Variants in CABLES1 observed in about 807,000 individuals in gnomAD.
The protein encoded by CABLES1 is CDK5 and ABL1 enzyme substrate 1.
CABLES1 carries 36 observed loss-of-function variants against 57.8 expected under a neutral mutation model. The ratio of observed to expected loss-of-function variants is 0.62; its 90% confidence interval spans 0.48 to 0.82. The LOEUF is 0.82. Among genes scored for constraint, CABLES1 ranks in the 40% least tolerant of loss-of-function variants. CABLES1 has a pLI of 0.00. For missense variants in CABLES1, 767 were observed against 836.6 expected, an observed-to-expected ratio of 0.92 and a Z score of 1.03; for synonymous variants, 374 against 363.0, an observed-to-expected ratio of 1.03 and a Z score of -0.35.
Position 23,236,004 on chromosome 18 carries a change from G to A in CABLES1, c.1295G>A (p.Ser432Asn). Residue 432 changes from serine (S) to asparagine (N), a missense_variant, in exon 6 of 10, where the codon AGC (serine) becomes AAC (asparagine). Ser to Asn is a conservative substitution (Grantham distance 46). Around this residue, in one of 4 missense-constraint regions of CABLES1, gnomAD observed 529 missense variants for 622.8 expected, o/e 0.85. Coordinates refer to ENST00000256925, the MANE Select transcript of CABLES1 (RefSeq NM_001100619.3). ...FSQFRNLSHR[S>N]LSIGRASGTQ... The stretch of plus-strand genomic sequence containing the variant: ...CAGTTCCGTAACCTGAGCCACCGCA[G>A]CCTCTCCATAGGCCGGGCAAGCGGC... 2 of 1,614,228 alleles carry A rather than the reference G, an allele frequency of 1.2e-6. No homozygotes were observed. Among genetic ancestry groups the A allele is most frequent in the Non-Finnish European group, 1.7e-6 (2 of 1,180,052 alleles).
intron 1 of CABLES1, among the ~76,000 whole-genome samples, chr18:23,140,662 T>A (rs529213526): frequency 1.6e-4 from 25 of 152,288 alleles, no homozygotes; most frequent in African/African-American, 5.5e-4. Context: ...GGTCTCGAAC[T>A]CCTGACCTCA....
intron 3 of CABLES1, among the ~76,000 whole-genome samples, chr18:23,206,977 AT>A (rs1185509267): frequency 6.6e-6 from 1 of 151,672 alleles, no homozygotes; most frequent in African/African-American, 2.4e-5. Flanking sequence ...CACCCAGCTG[AT>A]TTTTTTTCTT....
chr18:23,162,781 A>T (rs1179372959), intron 1 of CABLES1, among the ~76,000 whole-genome samples: 1 of 152,188 alleles, frequency 6.6e-6, no homozygotes, highest in Non-Finnish European at 1.5e-5. Flanking sequence ...TTCCAAGGCC[A>T]TGTGGTGTAA....
intron 1 of CABLES1, among the ~76,000 whole-genome samples, chr18:23,174,839 T>TATATATATATATATATATATATATAC (rs2047111375): frequency 3.6e-5 from 5 of 139,362 alleles, no homozygotes; most frequent in African/African-American, 1.4e-4. Flanking sequence ...TATATATATA[T>TATATATATATATATATATATATATAC]ATATATATAT....
Position 23,248,043 on chromosome 18 carries a change from T to G in CABLES1, c.1447-4917T>G, listed in dbSNP as rs552610501. ...CCCCAAGAGCTAGGACAAGGCTGCT[T>G]GTAAAAAAGACAGAGCCTCTCCCGC... On this transcript the variant is annotated intron_variant, in intron 7 of 9. Transcript: ENST00000256925. Among the ~76,000 whole-genome samples, 31 of 152,300 alleles carry G rather than the reference T, an allele frequency of 2.0e-4. No homozygotes were observed. The South Asian group carries it at 6.2e-3, about 31-fold the overall frequency.
intron 9 of CABLES1, among the ~76,000 whole-genome samples, chr18:23,256,533 T>G (rs1332906463): frequency 6.6e-6 from 1 of 152,144 alleles, no homozygotes; most frequent in Non-Finnish European, 1.5e-5. Context: ...CAGGCTGGAG[T>G]TCGGTGGCAC....
At chr18:23,221,010 C>T (rs1274884879) in intron 4 of CABLES1, among the ~76,000 whole-genome samples, 1 of 152,138 alleles carries the variant, frequency 6.6e-6, no homozygotes, top group Non-Finnish European at 1.5e-5. Context: ...GCTGCCAGCT[C>T]GAGTCTCCCT....
intron 7 of CABLES1, among the ~76,000 whole-genome samples, chr18:23,241,123 T>C (rs1045857842): frequency 6.6e-6 from 1 of 152,218 alleles, no homozygotes; most frequent in East Asian, 1.9e-4. Flanking sequence ...TGAAACTTCA[T>C]GTGAATAGGA....
chr18:23,216,748 C>A (rs2047445107), intron 4 of CABLES1, among the ~76,000 whole-genome samples: 1 of 152,212 alleles, frequency 6.6e-6, no homozygotes, highest in Non-Finnish European at 1.5e-5. Flanking sequence ...AGACCATCTC[C>A]ACTGGACATC....
At position 23,253,082 on chromosome 18, in the gene CABLES1, C is replaced by T. The variant is rs2048078648; in HGVS notation, c.1553+16C>T. 1 of 1,479,432 alleles carries T rather than the reference C, an allele frequency of 6.8e-7. No individual in the cohort carries two copies. Among genetic ancestry groups the T allele is most frequent in the Non-Finnish European group, 9.5e-7 (1 of 1,057,550 alleles). The allele number at this position is 1,479,432 out of a possible 1,614,324, so 91.6% of individuals were successfully genotyped here. A position where few individuals can be genotyped will look rare whatever the true frequency, so the allele number is the denominator to read the frequency against. On this transcript the variant is annotated intron_variant, in intron 8 of 9. Transcript: ENST00000256925. ...AAATTAGGAGGTACGGGAGGCTGGA[C>T]TTGCCTGTGACCTTTCCCTGCAAAC...
chr18:23,256,874 A>G (rs1337584121), intron 9 of CABLES1, among the ~76,000 whole-genome samples: 2 of 152,216 alleles, frequency 1.3e-5, no homozygotes, highest in Non-Finnish European at 2.9e-5. Context: ...TAGTGCTGCA[A>G]TTGGCTACAC....
chr18:23,237,282 C>A (rs370033761), intron 7 of CABLES1, 37 bp downstream of exon 7: 2 of 1,389,066 alleles, frequency 1.4e-6, no homozygotes, highest in Admixed American at 1.7e-5. Flanking sequence ...TTTGCTGCAC[C>A]GTCAGTTGCC....
chr18:23,153,857 C>T (rs965468363), intron 1 of CABLES1, among the ~76,000 whole-genome samples: 6 of 152,078 alleles, frequency 3.9e-5, no homozygotes, highest in Non-Finnish European at 8.8e-5. Flanking sequence ...ATGGCAAAAC[C>T]CCATCTCTAC....
intron 4 of CABLES1, among the ~76,000 whole-genome samples, chr18:23,222,971 G>A (rs532806822): frequency 1.3e-5 from 2 of 152,256 alleles, no homozygotes; most frequent in South Asian, 2.1e-4. Context: ...GACTCCCCCC[G>A]CATTAGCCTC....
intron 3 of CABLES1, among the ~76,000 whole-genome samples, chr18:23,202,904 G>C (rs1418471027): frequency 6.6e-6 from 1 of 151,364 alleles, no homozygotes; most frequent in Admixed American, 6.6e-5. Flanking sequence ...GGAGAATGGC[G>C]TGAACCCGGG....
chr18:23,191,259 A>C (rs1445822522), intron 2 of CABLES1, among the ~76,000 whole-genome samples: 1 of 152,082 alleles, frequency 6.6e-6, no homozygotes, highest in Non-Finnish European at 1.5e-5. Flanking sequence ...AAAAAAAGAG[A>C]ACTTAAAAAG....
At chr18:23,155,700 G>T (rs528494166) in intron 1 of CABLES1, 4 of 755,684 alleles carry the variant, frequency 5.3e-6, no homozygotes, top group Non-Finnish European at 8.1e-6. Context: ...GACCTCATGT[G>T]GTCTCCACGT....
intron 8 of CABLES1, among the ~76,000 whole-genome samples, chr18:23,253,493 CA>C (rs1194045852): frequency 6.6e-6 from 1 of 151,984 alleles, no homozygotes; most frequent in Non-Finnish European, 1.5e-5. Context: ...AAAAGAAAAA[CA>C]AAAAAAGTAA....
intron 1 of CABLES1, among the ~76,000 whole-genome samples, chr18:23,139,200 A>T (rs12327253): frequency 2.0e-5 from 3 of 151,606 alleles, no homozygotes; most frequent in African/African-American, 7.3e-5. Flanking sequence ...TCAGGAGTTC[A>T]AGACCAGCCT....
Sources: allele counts gnomAD v4.1 joint callset (sites outside exome capture counted in the v4.1 genomes callset), GRCh38; gene constraint gnomAD v4.1.1; regional missense constraint gnomAD v4.1.1; transcripts MANE v1.5; gene names NCBI Gene and HGNC (gene_info 2026-07-23, HGNC 2026-07-21).